ETF1: variants seen among roughly 807,000 people sequenced by gnomAD.
ETF1 encodes the protein eukaryotic translation termination factor 1, also known as eukaryotic peptide chain release factor subunit 1.
A neutral mutation model predicts 55.1 loss-of-function variants in ETF1; 4 were observed. The observed-to-expected ratio is 0.07, with a 90% CI of 0.04 to 0.17. The LOEUF (loss-of-function observed/expected upper bound fraction) is 0.17. Ranked by LOEUF, ETF1 falls within the 10% of genes least tolerant of loss-of-function variation. The pLI is 1.00. For synonymous variants in ETF1, 157 were observed against 182.3 expected, an observed-to-expected ratio of 0.86 and a Z score of 1.12; for missense variants, 142 against 523.6, an observed-to-expected ratio of 0.27 and a Z score of 7.11.
In ETF1 at chr5:138,517,705, AAAG is replaced by A; in HGVS notation, c.263-8_263-6del. On this transcript the variant is annotated splice_polypyrimidine_tract_variant and splice_region_variant and intron_variant, in intron 3 of 10. Transcript: ENST00000360541. Reference sequence around the variant, plus strand: ...CAACCAGACCATTTGGAGGTACTGCAAAGAACACAAACAATTTTTCTACTTTAC... The same window carrying A: ...CAACCAGACCATTTGGAGGTACTGCAAACACAAACAATTTTTCTACTTTAC... The A allele has an allele frequency of 6.9e-7, 1 of 1,456,412 alleles. No homozygotes were observed. The highest frequency in any genetic ancestry group is 9.2e-7 in the Non-Finnish European group (1 of 1,086,520). The allele number at this position is 1,456,412 out of a possible 1,614,324, so 90.2% of individuals were successfully genotyped here.
chr5:138,510,534 G>GT, intron 9 of ETF1, 31 bp downstream of exon 9: 1 of 1,534,020 alleles, frequency 6.5e-7, no homozygotes. Flanking sequence ...ACGCTTGCAC[G>GT]TATCATCAAA....
intron 2 of ETF1, chr5:138,541,418 T>C (rs1050725223): frequency 5.2e-6 from 4 of 763,630 alleles, no homozygotes; most frequent in Non-Finnish European, 2.2e-6. Flanking sequence ...ACCGAAGGAG[T>C]GAGCACAAGC....
intron 2 of ETF1, among the ~76,000 whole-genome samples, chr5:138,529,151 A>C (rs1241161081): frequency 6.6e-6 from 1 of 151,978 alleles, no homozygotes; most frequent in African/African-American, 2.4e-5. Flanking sequence ...CAAAACCAAC[A>C]AAAACCAAAA....
At position 138,538,186 on chromosome 5, in the gene ETF1, G is replaced by A. The variant is rs748584045; in HGVS notation, c.86+4647C>T. ...ATTACAGGCGTGAGCCACCACGCCC[G>A]GCCTGGGCCCCTATTATTTTTGAGA... is the stretch of plus-strand genomic sequence containing the variant. On this transcript the variant is annotated intron_variant, in intron 2 of 10. Transcript: ENST00000360541. Among the ~76,000 whole-genome samples the A allele has an allele frequency of 5.8e-5, 8 of 138,694 alleles. 1 individual carries two copies. Among genetic ancestry groups the A allele is most frequent in the African/African-American group, 8.4e-5 (3 of 35,674 alleles). 91.0% of individuals were successfully genotyped at this position (138,694 alleles called of 152,430 possible). A position where few individuals can be genotyped will look rare whatever the true frequency, so the allele number is the denominator to read the frequency against.
At position 138,507,861 on chromosome 5, in the gene ETF1, A is replaced by C. The variant is rs1764614628; in HGVS notation, c.*444T>G. ...ATGCCATGTAAATGGGTCACTGCGAAATGCAGCAATTTAATTTTTCTCCAA... is the reference window on the plus strand; with the variant it reads ...ATGCCATGTAAATGGGTCACTGCGACATGCAGCAATTTAATTTTTCTCCAA... On this transcript the variant is annotated 3_prime_UTR_variant, in exon 11 of 11. Coordinates refer to ENST00000360541, the MANE Select transcript of ETF1 (RefSeq NM_004730.4). 1 of 157,500 alleles carries C rather than the reference A, an allele frequency of 6.3e-6. No individual in the cohort carries two copies. Among genetic ancestry groups the C allele is most frequent in the South Asian group, 1.9e-4 (1 of 5,288 alleles). The allele number at this position is 157,500 out of a possible 1,614,324, so 9.8% of individuals were successfully genotyped here.
intron 2 of ETF1, among the ~76,000 whole-genome samples, chr5:138,530,577 T>C: frequency 6.6e-6 from 1 of 150,764 alleles, no homozygotes; most frequent in East Asian, 1.9e-4. Flanking sequence ...CGCACCCAGC[T>C]GATTCTTTTC....
At chr5:138,510,459 T>A (rs1197471109) in intron 9 of ETF1, 106 bp downstream of exon 9, 3 of 631,068 alleles carry the variant, frequency 4.8e-6, no homozygotes, top group Non-Finnish European at 5.6e-6. Flanking sequence ...GCACCCCCAA[T>A]TAGTATAAGG....
At chr5:138,538,251 G>A (rs935070182) in intron 2 of ETF1, among the ~76,000 whole-genome samples, 1 of 138,860 alleles carries the variant, frequency 7.2e-6, no homozygotes, top group Non-Finnish European at 1.6e-5. Context: ...GTGCAGTGGC[G>A]GAATCCCGGC....
intron 2 of ETF1, among the ~76,000 whole-genome samples, chr5:138,533,684 CAAAAACAAAA>C (rs1357619367): frequency 1.3e-5 from 2 of 152,130 alleles, no homozygotes; most frequent in African/African-American, 4.8e-5. Context: ...GACTCCACCT[CAAAAACAAAA>C]CAAAACAAAA....
chr5:138,539,824 A>G (rs1321076318), intron 2 of ETF1, among the ~76,000 whole-genome samples: 2 of 152,252 alleles, frequency 1.3e-5, no homozygotes, highest in Non-Finnish European at 2.9e-5. Flanking sequence ...TTCTGAAAAT[A>G]AAATATACCC....
chr5:138,543,030 G>A (rs1422472725), intron 1 of ETF1, 67 bp downstream of exon 1: 29 of 1,135,288 alleles, frequency 2.6e-5, no homozygotes, highest in South Asian at 1.4e-5. Context: ...ATCCCCCAGA[G>A]GCCCTCTCCT....
In ETF1 at chr5:138,506,913, T is replaced by C. The variant is rs1361089684; in HGVS notation, c.*1392A>G. On this transcript the variant is annotated 3_prime_UTR_variant, in exon 11 of 11. Coordinates refer to ENST00000360541, the MANE Select transcript of ETF1 (RefSeq NM_004730.4). ...AAATGCACCCCACTACCCTAGTCAG[T>C]GTGGAGGTGATACCAATTGACTTTT... The C allele has an allele frequency of 1.3e-5, 2 of 152,580 alleles. No homozygotes were observed. The highest frequency in any genetic ancestry group is 2.9e-5 in the Non-Finnish European group (2 of 68,032). 9.5% of individuals were successfully genotyped at this position (152,580 alleles called of 1,614,324 possible). A position where few individuals can be genotyped will look rare whatever the true frequency, so the allele number is the denominator to read the frequency against.
At chr5:138,539,074 G>A (rs1766068108) in intron 2 of ETF1, among the ~76,000 whole-genome samples, 2 of 152,166 alleles carry the variant, frequency 1.3e-5, no homozygotes, top group Admixed American at 1.3e-4. Flanking sequence ...CTTCAAACAA[G>A]GGTTATGGTT....
Position 138,524,787 on chromosome 5 carries a change from A to G in ETF1, c.87-5920T>C, listed in dbSNP as rs190764119. Among the ~76,000 whole-genome samples, 90 of 152,074 alleles carry G rather than the reference A, an allele frequency of 5.9e-4. 3 individuals are homozygous for G. In the East Asian group the frequency reaches 0.016, roughly 28 times the overall value. ...GAGATGGGGTTTCACCATGTTGGCCAGGATGGTCTTGATCTCCTGACTTCA... is the reference window on the plus strand; with the variant it reads ...GAGATGGGGTTTCACCATGTTGGCCGGGATGGTCTTGATCTCCTGACTTCA... On this transcript the variant is annotated intron_variant, in intron 2 of 10. Coordinates refer to ENST00000360541, the MANE Select transcript of ETF1 (RefSeq NM_004730.4).
Position 138,515,152 on chromosome 5 carries a change from G to A in ETF1, c.403-1446C>T, listed in dbSNP as rs188696766. ...GCATTAAGACATGAATATTGTGGCC[G>A]GGCGTGGTGGCTCATGCCTGCAATG... On this transcript the variant is annotated intron_variant, in intron 4 of 10. Coordinates refer to ENST00000360541, the MANE Select transcript of ETF1 (RefSeq NM_004730.4). Among the ~76,000 whole-genome samples, 18 of 152,306 alleles carry A rather than the reference G, an allele frequency of 1.2e-4. No homozygotes were observed. The East Asian group carries it at 2.3e-3, about 20-fold the overall frequency.
rs1015326258 is a variant in ETF1, at chr5:138,539,646, C to T, written c.86+3187G>A. The stretch of plus-strand genomic sequence containing the variant: ...TCAAAAATCAAGTTTATGTGTGACA[C>T]TCCTTTCAACTCAGAAGATTAAGTA... On this transcript the variant is annotated intron_variant, in intron 2 of 10. Transcript: ENST00000360541. Among the ~76,000 whole-genome samples, 6 of 152,316 alleles carry T rather than the reference C, an allele frequency of 3.9e-5. No individual in the cohort carries two copies. In the Middle Eastern group the frequency reaches 0.014, roughly 345 times the overall value.
chr5:138,511,163 C>T lies in ETF1; in HGVS notation c.900G>A (p.Lys300=), dbSNP rs144714792. The change falls in exon 8 of 11, where the codon AAG becomes AAA. Residue 300 remains lysine (K), a synonymous_variant. Coordinates refer to ENST00000360541, the MANE Select transcript of ETF1 (RefSeq NM_004730.4). ...GTGTATCTTCAACGCCAAAACAGTACTTGCCCGTGTCCTGGCTGATTTCAT... is the reference window on the plus strand; with the variant it reads ...GTGTATCTTCAACGCCAAAACAGTATTTGCCCGTGTCCTGGCTGATTTCAT... The part of the protein sequence containing the change: ...YFDEISQDTG[K]YCFGVEDTLK... 3.1e-6 allele frequency: 5 copies of T among 1,613,966 alleles called. No individual in the cohort carries two copies. Among genetic ancestry groups the T allele is most frequent in the Non-Finnish European group, 3.4e-6 (4 of 1,179,960 alleles).
intron 2 of ETF1, among the ~76,000 whole-genome samples, chr5:138,520,532 T>G (rs193181059): frequency 6.6e-6 from 1 of 152,202 alleles, no homozygotes; most frequent in Non-Finnish European, 1.5e-5. Flanking sequence ...CCTACTTCTA[T>G]GCAAAGCAAA....
At chr5:138,535,291 C>T (rs1401788345) in intron 2 of ETF1, among the ~76,000 whole-genome samples, 1 of 151,532 alleles carries the variant, frequency 6.6e-6, no homozygotes, top group African/African-American at 2.4e-5. Context: ...GCATTAGTTC[C>T]CCCATGAAGC....
Sources: allele counts gnomAD v4.1 joint callset (sites outside exome capture counted in the v4.1 genomes callset), GRCh38; gene constraint gnomAD v4.1.1; transcripts MANE v1.5; gene names NCBI Gene and HGNC (gene_info 2026-07-23, HGNC 2026-07-21).